Variants in PPP6R2 observed in about 807,000 individuals in gnomAD.
PPP6R2 encodes serine/threonine-protein phosphatase 6 regulatory subunit 2.
A neutral mutation model predicts 100.2 loss-of-function variants in PPP6R2; 62 were observed. That is an observed-to-expected ratio of 0.62 (90% CI 0.50 to 0.76). The LOEUF (loss-of-function observed/expected upper bound fraction) is 0.76, where lower values mean the gene tolerates loss of function less well. PPP6R2 is among the 30% of genes least tolerant of loss of function. The pLI, the probability that PPP6R2 is intolerant of heterozygous loss-of-function variation, is 0.00. For missense variants in PPP6R2, 1,142 were observed against 1,276.3 expected, an observed-to-expected ratio of 0.89 and a Z score of 1.60; for synonymous variants, 525 against 514.7, an observed-to-expected ratio of 1.02 and a Z score of -0.27.
At chr22:50,360,333 G>A (rs935624266) in intron 1 of PPP6R2, among the ~76,000 whole-genome samples, 2 of 150,088 alleles carry the variant, frequency 1.3e-5, no homozygotes, top group Non-Finnish European at 2.9e-5. Flanking sequence ...TTATAGGCGT[G>A]AGCCACCATG....
At chr22:50,418,721 T>C (rs2060891509) in intron 6 of PPP6R2, 146 bp from the exon 7 acceptor site, 2 of 649,110 alleles carry the variant, frequency 3.1e-6, no homozygotes, top group Admixed American at 2.7e-5. Flanking sequence ...GAAAAAGTAT[T>C]TGAACATCAC....
At chr22:50,440,768 G>A (rs759741592) in intron 21 of PPP6R2, 54 bp from the exon 22 acceptor site, 21 of 1,586,312 alleles carry the variant, frequency 1.3e-5, no homozygotes, top group South Asian at 1.1e-4. Flanking sequence ...TGGAGTGGCC[G>A]CACCCTGTGA....
intron 1 of PPP6R2, among the ~76,000 whole-genome samples, 151 bp from the exon 2 acceptor site, chr22:50,371,869 C>T (rs1310005635): frequency 6.6e-6 from 1 of 152,144 alleles, no homozygotes; most frequent in Non-Finnish European, 1.5e-5. Context: ...AACTCTTGGA[C>T]TCAAGTGATC....
At chr22:50,355,344 TCTC>T (rs1378958172) in intron 1 of PPP6R2, among the ~76,000 whole-genome samples, 1 of 149,564 alleles carries the variant, frequency 6.7e-6, no homozygotes, top group Non-Finnish European at 1.5e-5. Context: ...TTCATGCCAT[TCTC>T]CTGCCTCAGC....
chr22:50,357,507 C>T (rs981153955), intron 1 of PPP6R2, among the ~76,000 whole-genome samples: 1 of 150,624 alleles, frequency 6.6e-6, no homozygotes, highest in African/African-American at 2.4e-5. Context: ...CTCTCTCTTT[C>T]TTTTTTGATG....
upstream of PPP6R2, among the ~76,000 whole-genome samples, chr22:50,339,862 AGTG>A (rs2042351414): frequency 4.3e-5 from 1 of 23,442 alleles, no homozygotes; most frequent in Non-Finnish European, 7.9e-5. Flanking sequence ...TGTGGTATGT[AGTG>A]TGTGTGTGGT....
At chr22:50,437,741 A>T in intron 16 of PPP6R2, 102 bp from the exon 17 acceptor site, 1 of 1,420,654 alleles carries the variant, frequency 7.0e-7, no homozygotes, top group Non-Finnish European at 9.7e-7. Context: ...CAGTTGTGTG[A>T]GGGTGCTGAG....
At chr22:50,373,919 T>C (rs2050862890) in intron 2 of PPP6R2, among the ~76,000 whole-genome samples, 1 of 151,996 alleles carries the variant, frequency 6.6e-6, no homozygotes, top group African/African-American at 2.4e-5. Flanking sequence ...TTTTTAGTAG[T>C]GACGGGGTTT....
chr22:50,333,199 G>A, the PPP6R2 span, among the ~76,000 whole-genome samples: 1 of 152,056 alleles, frequency 6.6e-6, no homozygotes, highest in Non-Finnish European at 1.5e-5. Flanking sequence ...TGATAATTGT[G>A]AGGGTTTTTT....
intron 22 of PPP6R2, 91 bp from the exon 23 acceptor site, chr22:50,443,775 G>A: frequency 6.8e-7 from 1 of 1,470,950 alleles, no homozygotes; most frequent in Non-Finnish European, 9.1e-7. Flanking sequence ...CAGGCCGCCT[G>A]GACCTTTTTG....
the PPP6R2 span, among the ~76,000 whole-genome samples, chr22:50,334,797 C>G: frequency 7.2e-5 from 11 of 152,042 alleles, no homozygotes; most frequent in Admixed American, 1.3e-4. Flanking sequence ...GAAACTCTGT[C>G]TCTACTAAAA....
intron 1 of PPP6R2, among the ~76,000 whole-genome samples, chr22:50,368,806 C>T (rs1021606569): frequency 6.6e-6 from 1 of 151,494 alleles, no homozygotes; most frequent in South Asian, 2.1e-4. Context: ...TGCAGGCGTG[C>T]ACCACCACAC....
upstream of PPP6R2, among the ~76,000 whole-genome samples, chr22:50,339,833 G>T (rs2042350789): frequency 2.3e-5 from 1 of 43,236 alleles, no homozygotes; most frequent in African/African-American, 2.8e-4. Flanking sequence ...TATGTAGTGT[G>T]TGTGGTGTGT....
chr22:50,411,847 C>T (rs1042923488), intron 4 of PPP6R2, among the ~76,000 whole-genome samples: 14 of 152,006 alleles, frequency 9.2e-5, no homozygotes, highest in Non-Finnish European at 1.8e-4. Context: ...AGATCGAGAC[C>T]GTCCTGGCTA....
At chr22:50,407,575 A>C (rs903472012) in intron 4 of PPP6R2, 2 of 152,272 alleles carry the variant, frequency 1.3e-5, no homozygotes, top group African/African-American at 4.8e-5. Flanking sequence ...TATTCTTTCA[A>C]AACAAAGGTC....
chr22:50,332,799 T>G, the PPP6R2 span, among the ~76,000 whole-genome samples: 1 of 151,820 alleles, frequency 6.6e-6, no homozygotes. Context: ...AATTTTTGTA[T>G]TTTTAGTAGA....
chr22:50,366,856 C>A (rs1446274335), intron 1 of PPP6R2, among the ~76,000 whole-genome samples: 1 of 152,172 alleles, frequency 6.6e-6, no homozygotes, highest in African/African-American at 2.4e-5. Flanking sequence ...GGGCTGTGGC[C>A]TGGCTTTTCC....
chr22:50,382,237 A>G (rs2053229172), intron 2 of PPP6R2, among the ~76,000 whole-genome samples: 1 of 152,202 alleles, frequency 6.6e-6, no homozygotes, highest in African/African-American at 2.4e-5. Context: ...AAATGATCCA[A>G]AGCTATAATA....
chr22:50,366,032 C>G (rs1441951183), intron 1 of PPP6R2, among the ~76,000 whole-genome samples: 1 of 152,196 alleles, frequency 6.6e-6, no homozygotes. Flanking sequence ...TGAATTTTAT[C>G]TTGTTGGATA....
Sources: gnomAD v4.1 joint callset for allele counts (sites outside exome capture counted in the v4.1 genomes callset) on GRCh38, gnomAD v4.1.1 for gene constraint, MANE v1.5 for transcripts, NCBI Gene and HGNC (gene_info 2026-07-23, HGNC 2026-07-21) for gene names.